The following PEBP4 variants were observed in gnomAD, a reference collection of about 807,000 sequenced individuals.
PEBP4 encodes the protein phosphatidylethanolamine binding protein 4.
In PEBP4, 22 loss-of-function variants were observed where a neutral mutation model predicts 23.9. That is an observed-to-expected ratio of 0.92 (90% CI 0.66 to 1.31). PEBP4 has a LOEUF of 1.31. Ranked by LOEUF, PEBP4 falls within the 40% of genes most tolerant of loss-of-function variation. The probability of loss-of-function intolerance (pLI) is 0.00; values close to 1 mark genes in which losing one functional copy is unlikely to be tolerated. For synonymous variants in PEBP4, 112 were observed against 99.3 expected (o/e 1.13, Z -0.76); for missense variants, 324 against 281.7 (o/e 1.15, Z -1.07).
chr8:22,803,566 A>G (rs1015158718), intron 4 of PEBP4, among the ~76,000 whole-genome samples: 2 of 152,176 alleles, frequency 1.3e-5, no homozygotes, highest in Admixed American at 6.5e-5. Flanking sequence ...CAGGAAGCTG[A>G]GGCCGGAGAA....
chr8:22,851,995 T>G (rs1807561733), intron 3 of PEBP4, among the ~76,000 whole-genome samples: 2 of 152,112 alleles, frequency 1.3e-5, no homozygotes, highest in Non-Finnish European at 2.9e-5. Context: ...AAATTAATTT[T>G]CAATCCCTGG....
chr8:22,894,902 T>TC (rs1808561771), intron 3 of PEBP4, among the ~76,000 whole-genome samples: 1 of 152,054 alleles, frequency 6.6e-6, no homozygotes, highest in African/African-American at 2.4e-5. Context: ...TTTCCCCAGG[T>TC]CCTGTCTTGC....
Position 22,795,163 on chromosome 8 carries a change from A to ATTTTTTTTTTTTTTT in PEBP4, c.357+22459_357+22473dup, listed in dbSNP as rs33911395. 8.4e-5 allele frequency among the ~76,000 whole-genome samples: 4 copies of ATTTTTTTTTTTTTTT among 47,346 alleles called. 1 individual carries two copies. Among genetic ancestry groups the ATTTTTTTTTTTTTTT allele is most frequent in the Non-Finnish European group, 1.4e-4 (4 of 29,362 alleles). The allele number at this position is 47,346 out of a possible 152,430, so 31.1% of individuals were successfully genotyped here. On this transcript the variant is annotated intron_variant, in intron 4 of 6. Coordinates refer to ENST00000256404, the MANE Select transcript of PEBP4 (RefSeq NM_144962.3). ...TGTGTGTATATATATATATATATAT[A>ATTTTTTTTTTTTTTT]TTTTTTTTTTTTTTTTTTTTTTTTT...
chr8:22,794,956 C>T (rs1459822545), intron 4 of PEBP4, among the ~76,000 whole-genome samples: 1 of 151,682 alleles, frequency 6.6e-6, no homozygotes, highest in African/African-American at 2.4e-5. Context: ...GATAGTCAAT[C>T]ATCCCTAAAC....
At chr8:22,908,734 G>C (rs1447444417) in intron 3 of PEBP4, among the ~76,000 whole-genome samples, 2 of 152,306 alleles carry the variant, frequency 1.3e-5, no homozygotes, top group Non-Finnish European at 2.9e-5. Flanking sequence ...TCGTACTCAG[G>C]AAGCCTGAGG....
At chr8:22,819,925 G>T (rs543470692) in intron 3 of PEBP4, among the ~76,000 whole-genome samples, 1 of 152,186 alleles carries the variant, frequency 6.6e-6, no homozygotes, top group East Asian at 1.9e-4. Context: ...TTTTAAAGAG[G>T]GGGATGATGT....
intron 3 of PEBP4, among the ~76,000 whole-genome samples, chr8:22,823,092 G>A (rs1168603987): frequency 6.6e-6 from 1 of 151,952 alleles, no homozygotes; most frequent in Non-Finnish European, 1.5e-5. Context: ...ACAATATGGT[G>A]TTGATTAATA....
chr8:22,873,508 G>A (rs1808054012), intron 3 of PEBP4, among the ~76,000 whole-genome samples: 1 of 152,098 alleles, frequency 6.6e-6, no homozygotes, highest in Non-Finnish European at 1.5e-5. Context: ...GCACAGGCTT[G>A]TAGTCCCAGC....
At chr8:22,716,132 G>A (rs1804414795) in intron 6 of PEBP4, among the ~76,000 whole-genome samples, 1 of 152,166 alleles carries the variant, frequency 6.6e-6, no homozygotes, top group Non-Finnish European at 1.5e-5. Context: ...AAAGGAGGAG[G>A]AAGCTGTCTG....
rs1417968496 is a variant in PEBP4 at position 22,743,481 on chromosome 8, G to C, written c.358-16261C>G. ...CCTTACTTGTTCCCAAACCAGAAGGGACCATCCTGGGGGCTGAGCCAGGAG... is the reference window on the plus strand; with the variant it reads ...CCTTACTTGTTCCCAAACCAGAAGGCACCATCCTGGGGGCTGAGCCAGGAG... On this transcript the variant is annotated intron_variant, in intron 4 of 6. Transcript: ENST00000256404. 3.3e-5 allele frequency among the ~76,000 whole-genome samples: 5 copies of C among 152,206 alleles called. No individual in the cohort carries two copies. In the East Asian group the frequency reaches 9.6e-4, roughly 29 times the overall value.
intron 4 of PEBP4, among the ~76,000 whole-genome samples, chr8:22,780,357 C>T (rs1402776433): frequency 6.6e-6 from 1 of 152,128 alleles, no homozygotes; most frequent in Non-Finnish European, 1.5e-5. Context: ...GCTGTTGTTT[C>T]TCGACCTTTT....
intron 3 of PEBP4, among the ~76,000 whole-genome samples, chr8:22,848,828 G>A (rs1357400367): frequency 6.6e-6 from 1 of 152,230 alleles, no homozygotes; most frequent in African/African-American, 2.4e-5. Context: ...TGCTGAGGGA[G>A]CGGAATTGTT....
intron 3 of PEBP4, among the ~76,000 whole-genome samples, chr8:22,906,586 T>C (rs1808819197): frequency 6.6e-6 from 1 of 152,264 alleles, no homozygotes; most frequent in Non-Finnish European, 1.5e-5. Context: ...ACTGTCATGT[T>C]GCAAGGCTGC....
At chr8:22,781,835 C>T (rs1805921763) in intron 4 of PEBP4, among the ~76,000 whole-genome samples, 1 of 152,210 alleles carries the variant, frequency 6.6e-6, no homozygotes, top group Non-Finnish European at 1.5e-5. Flanking sequence ...GTCCCCCTTC[C>T]TCCCTGGGGA....
chr8:22,781,359 G>T (rs1246583388), intron 4 of PEBP4, among the ~76,000 whole-genome samples: 2 of 152,152 alleles, frequency 1.3e-5, no homozygotes, highest in African/African-American at 4.8e-5. Flanking sequence ...TGGGAGTGGG[G>T]AGGAGGGACA....
intron 4 of PEBP4, among the ~76,000 whole-genome samples, chr8:22,762,710 A>C (rs534426144): frequency 2.8e-4 from 42 of 152,176 alleles, no homozygotes; most frequent in African/African-American, 9.9e-4. Context: ...GTTCTCCCCA[A>C]CTGTGACTTT....
At chr8:22,769,423 G>A (rs1302831511) in intron 4 of PEBP4, among the ~76,000 whole-genome samples, 4 of 152,166 alleles carry the variant, frequency 2.6e-5, no homozygotes, top group East Asian at 1.9e-4. Context: ...GCAGCCTTTC[G>A]GTAAAGATAT....
chr8:22,909,280 T>A (rs1214513807), intron 3 of PEBP4, among the ~76,000 whole-genome samples: 2 of 151,938 alleles, frequency 1.3e-5, no homozygotes. Flanking sequence ...TCCTTCTCCC[T>A]ACCCCATCCT....
intron 4 of PEBP4, among the ~76,000 whole-genome samples, chr8:22,742,330 G>A (rs568545483): frequency 3.8e-4 from 58 of 152,326 alleles, no homozygotes; most frequent in African/African-American, 5.5e-4. Flanking sequence ...ATTCAGCCTC[G>A]ATGGCCTGCA....
Sources: allele counts gnomAD v4.1 joint callset (sites outside exome capture counted in the v4.1 genomes callset), GRCh38; gene constraint gnomAD v4.1.1; transcripts MANE v1.5; gene names NCBI Gene and HGNC (gene_info 2026-07-23, HGNC 2026-07-21).